SUSD1: variants seen among roughly 807,000 people sequenced by gnomAD.
SUSD1 encodes sushi domain containing 1, also known as sushi domain-containing protein 1.
A neutral mutation model predicts 86.9 loss-of-function variants in SUSD1; 65 were observed. The ratio of observed to expected loss-of-function variants is 0.75; its 90% confidence interval spans 0.61 to 0.92. SUSD1 has a LOEUF of 0.92. SUSD1 is among the 40% of genes least tolerant of loss of function. The pLI is 0.00. For missense variants in SUSD1, 850 were observed against 929.7 expected (o/e 0.91, Z 1.11); for synonymous variants, 346 against 350.0 (o/e 0.99, Z 0.13).
intron 5 of SUSD1, among the ~76,000 whole-genome samples, chr9:112,130,630 G>C (rs1389824795): frequency 6.6e-6 from 1 of 151,028 alleles, no homozygotes; most frequent in African/African-American, 2.4e-5. Flanking sequence ...GAAAGGAAAG[G>C]AAAAGGAAGA....
intron 10 of SUSD1, among the ~76,000 whole-genome samples, chr9:112,083,080 T>C (rs958868160): frequency 6.6e-6 from 1 of 151,972 alleles, no homozygotes; most frequent in Admixed American, 6.6e-5. Flanking sequence ...TAACTTGTCA[T>C]AGCAGCAACA....
chr9:112,061,260 C>T (rs1554753470), intron 13 of SUSD1, among the ~76,000 whole-genome samples: 1 of 152,190 alleles, frequency 6.6e-6, no homozygotes, highest in Non-Finnish European at 1.5e-5. Flanking sequence ...ACAAAGCAGA[C>T]TCAGGCCTGT....
chr9:112,046,926 T>C (rs920807316), intron 15 of SUSD1, among the ~76,000 whole-genome samples: 1 of 152,214 alleles, frequency 6.6e-6, no homozygotes, highest in Non-Finnish European at 1.5e-5. Flanking sequence ...GTTTAACAAA[T>C]CACCACAAAC....
At chr9:112,142,152 T>C (rs546707140) in intron 5 of SUSD1, among the ~76,000 whole-genome samples, 168 bp downstream of exon 5, 26 of 152,186 alleles carry the variant, frequency 1.7e-4, no homozygotes, top group Non-Finnish European at 1.5e-5. Context: ...GATGATATGA[T>C]ACTATTCCTG....
chr9:112,129,351 C>A (rs759402192), intron 5 of SUSD1, among the ~76,000 whole-genome samples: 1 of 152,096 alleles, frequency 6.6e-6, no homozygotes, highest in Non-Finnish European at 1.5e-5. Context: ...TTACTCCTGT[C>A]GCCAAGGCTG....
chr9:112,117,640 T>C (rs1404638773), intron 6 of SUSD1, among the ~76,000 whole-genome samples: 1 of 152,194 alleles, frequency 6.6e-6, no homozygotes, highest in Non-Finnish European at 1.5e-5. Context: ...TTAACACACT[T>C]GTAACTAAAT....
At chr9:112,134,272 A>T (rs1448054378) in intron 5 of SUSD1, among the ~76,000 whole-genome samples, 2 of 152,256 alleles carry the variant, frequency 1.3e-5, no homozygotes, top group Non-Finnish European at 2.9e-5. Context: ...TTATATGTTC[A>T]TCGCTGCACT....
chr9:112,060,461 C>T (rs1221333566), intron 13 of SUSD1, among the ~76,000 whole-genome samples: 2 of 152,156 alleles, frequency 1.3e-5, no homozygotes, highest in African/African-American at 2.4e-5. Context: ...GATGGTGTTC[C>T]ACCATGTTGG....
chr9:112,149,231 C>T lies in SUSD1; in HGVS notation c.373+13G>A, dbSNP rs199608307. The T allele has an allele frequency of 5.6e-6, 9 of 1,613,758 alleles. No individual in the cohort carries two copies. In the East Asian group the frequency reaches 1.3e-4, roughly 24 times the overall value. On this transcript the variant is annotated intron_variant, in intron 3 of 16. Coordinates refer to ENST00000374270, the MANE Select transcript of SUSD1 (RefSeq NM_022486.5). Reference sequence around the variant, plus strand: ...TCGCCAATTGTCAACACCGCAGCCCCCTTCTTGAGTACCTGTACAAAAGGT... The same window carrying T: ...TCGCCAATTGTCAACACCGCAGCCCTCTTCTTGAGTACCTGTACAAAAGGT...
At chr9:112,074,011 G>A (rs1043896185) in intron 12 of SUSD1, among the ~76,000 whole-genome samples, 2 of 152,188 alleles carry the variant, frequency 1.3e-5, no homozygotes, top group African/African-American at 2.4e-5. Flanking sequence ...AAGGCCAGGA[G>A]TTCAAGATCA....
At position 112,080,082 on chromosome 9, in the gene SUSD1, T is replaced by A; in HGVS notation, c.1558A>T (p.Met520Leu). Reference protein sequence around the residue: ...RSIKTADMEEMYLFHIWGQRW... With the variant: ...RSIKTADMEELYLFHIWGQRW... Reference sequence around the variant, plus strand: ...AACTTTCAGTCACTTACTAAATACATCTCCTCCATATCAGCTGTCTTGATG... The same window carrying A: ...AACTTTCAGTCACTTACTAAATACAACTCCTCCATATCAGCTGTCTTGATG... Residue 520 changes from methionine (M) to leucine (L), a missense_variant, in exon 11 of 17, where the codon ATG (methionine) becomes TTG (leucine). Coordinates refer to ENST00000374270, the MANE Select transcript of SUSD1 (RefSeq NM_022486.5). 2.4e-5 allele frequency: 38 copies of A among 1,611,282 alleles called. No homozygotes were observed. Among genetic ancestry groups the A allele is most frequent in the Non-Finnish European group, 3.1e-5 (37 of 1,177,548 alleles).
At chr9:112,108,797 AAAAG>A (rs1301134664) in intron 8 of SUSD1, among the ~76,000 whole-genome samples, 16 of 146,326 alleles carry the variant, frequency 1.1e-4, no homozygotes, top group Admixed American at 2.1e-4. Context: ...AAAAAGAAAA[AAAAG>A]AAAGAAAGAA....
chr9:112,140,868 C>A (rs1183673083), intron 5 of SUSD1, among the ~76,000 whole-genome samples: 1 of 152,200 alleles, frequency 6.6e-6, no homozygotes, highest in African/African-American at 2.4e-5. Flanking sequence ...ATACCTATTG[C>A]TCCTAGGCTA....
chr9:112,164,239 C>T (rs1833687910), intron 1 of SUSD1, among the ~76,000 whole-genome samples: 1 of 152,126 alleles, frequency 6.6e-6, no homozygotes, highest in Admixed American at 6.6e-5. Flanking sequence ...CAGACAAACA[C>T]ATGGCCTTAG....
At chr9:112,074,347 C>A (rs1319611605) in intron 12 of SUSD1, among the ~76,000 whole-genome samples, 1 of 152,188 alleles carries the variant, frequency 6.6e-6, no homozygotes, top group African/African-American at 2.4e-5. Flanking sequence ...GTGGGGCTAT[C>A]CTGAAGAATT....
chr9:112,123,489 G>C lies in SUSD1; in HGVS notation c.886+768C>G, dbSNP rs187161659. 6.6e-5 allele frequency among the ~76,000 whole-genome samples: 10 copies of C among 152,286 alleles called. No homozygotes were observed. The East Asian group carries it at 1.9e-3, about 29-fold the overall frequency. On this transcript the variant is annotated intron_variant, in intron 6 of 16. Coordinates refer to ENST00000374270, the MANE Select transcript of SUSD1 (RefSeq NM_022486.5). The stretch of plus-strand genomic sequence containing the variant: ...CACATTTCTCATGAGATATGGAGGA[G>C]ACAAACATCCAAACTATATTAGATG...
chr9:112,052,164 T>C, intron 15 of SUSD1: 4 of 1,455,510 alleles, frequency 2.7e-6, no homozygotes, highest in Non-Finnish European at 3.6e-6. Context: ...CGGTGTTGAG[T>C]CCCCAGTCCC....
chr9:112,056,002 T>C (rs1189365699), intron 14 of SUSD1, among the ~76,000 whole-genome samples: 1 of 152,202 alleles, frequency 6.6e-6, no homozygotes, highest in Non-Finnish European at 1.5e-5. Context: ...GGCTCATGCC[T>C]GTAATCCCAA....
intron 10 of SUSD1, among the ~76,000 whole-genome samples, chr9:112,089,811 C>CAAAAAAAAAAAAAAAAAAAA (rs3983407): frequency 1.7e-5 from 2 of 115,946 alleles, no homozygotes; most frequent in Non-Finnish European, 3.7e-5. Flanking sequence ...GATTCCATCT[C>CAAAAAAAAAAAAAAAAAAAA]AAAAAAAAAA....
Sources: allele counts gnomAD v4.1 joint callset (sites outside exome capture counted in the v4.1 genomes callset), GRCh38; gene constraint gnomAD v4.1.1; transcripts MANE v1.5; gene names NCBI Gene and HGNC (gene_info 2026-07-23, HGNC 2026-07-21).